LASP1: variants seen among roughly 807,000 people sequenced by gnomAD.
LASP1 encodes LIM and SH3 protein 1.
In LASP1, 10 loss-of-function variants were observed where a neutral mutation model predicts 38.6. The ratio of observed to expected loss-of-function variants is 0.26; its 90% CI spans 0.16 to 0.44. The LOEUF is 0.44. Ranked by LOEUF, LASP1 falls within the 20% of genes least tolerant of loss-of-function variation. LASP1 has a pLI of 1.00. For missense variants in LASP1, 243 were observed against 375.7 expected (o/e 0.65, Z 2.92); for synonymous variants, 132 against 140.8 (o/e 0.94, Z 0.44).
chr17:38,897,134 T>C lies in LASP1; in HGVS notation c.250-1278T>C, dbSNP rs773896960. On this transcript the variant is annotated intron_variant, in intron 3 of 6. Coordinates refer to ENST00000318008, the MANE Select transcript of LASP1 (RefSeq NM_006148.4). ...TCCACTGCATTCACTTCTGAACTAA[T>C]GGGGAACAGCACATCCAAGCCCTTC... The C allele has an allele frequency of 1.9e-5, 18 of 940,360 alleles. No homozygotes were observed. In the African/African-American group the frequency reaches 2.3e-4, roughly 12 times the overall value. 58.3% of individuals were successfully genotyped at this position (940,360 alleles called of 1,614,324 possible).
intron 3 of LASP1, 112 bp downstream of exon 3, chr17:38,890,616 G>A: frequency 1.1e-6 from 1 of 934,268 alleles, no homozygotes; most frequent in Non-Finnish European, 1.7e-6. Flanking sequence ...GCAAGGCCAA[G>A]GTGCTGAAAT....
chr17:38,890,380 C>T, intron 2 of LASP1, 40 bp from the exon 3 acceptor site: 1 of 1,556,278 alleles, frequency 6.4e-7, no homozygotes, highest in Non-Finnish European at 8.9e-7. Flanking sequence ...TCCTGCCCCT[C>T]CCCCAGAGTC....
intron 4 of LASP1, 91 bp downstream of exon 4, chr17:38,898,610 A>T: frequency 1.0e-6 from 1 of 982,080 alleles, no homozygotes; most frequent in Non-Finnish European, 1.6e-6. Context: ...GGCAGATGTG[A>T]ATGAGGCCAG....
chr17:38,898,311 C>T (rs1914544655), intron 3 of LASP1, 101 bp from the exon 4 acceptor site: 5 of 670,736 alleles, frequency 7.5e-6, no homozygotes, highest in Middle Eastern at 3.7e-4. Context: ...TGCTGACTCC[C>T]TGTCCCTGTC....
intron 6 of LASP1, 122 bp downstream of exon 6, chr17:38,915,268 T>A: frequency 1.3e-6 from 1 of 794,396 alleles, no homozygotes; most frequent in South Asian, 1.7e-5. Flanking sequence ...ATGATAAGGA[T>A]CTCAGCCTTG....
intron 2 of LASP1, among the ~76,000 whole-genome samples, chr17:38,884,508 C>T (rs1914053931): frequency 6.6e-6 from 1 of 151,834 alleles, no homozygotes; most frequent in Admixed American, 6.6e-5. Flanking sequence ...CCGCCTCAGC[C>T]TCCCAAGTAG....
rs141801639 is a variant in LASP1, at chr17:38,921,384, T to G, written c.*2606T>G. On this transcript the variant is annotated 3_prime_UTR_variant, in exon 7 of 7. Coordinates refer to ENST00000318008, the MANE Select transcript of LASP1 (RefSeq NM_006148.4). ...TGCCTCCTGTTTTCTCCCTCTCATG[T>G]CCCTCCAGGGAAAATGACTTTATTG... The G allele has an allele frequency of 4.3e-6, 1 of 232,622 alleles. No individual in the cohort carries two copies. The highest frequency in any genetic ancestry group is 2.2e-5 in the African/African-American group (1 of 45,288). 14.4% of individuals were successfully genotyped at this position (232,622 alleles called of 1,614,324 possible).
intron 2 of LASP1, among the ~76,000 whole-genome samples, chr17:38,886,729 C>T (rs1374497718): frequency 6.6e-6 from 1 of 151,790 alleles, no homozygotes; most frequent in African/African-American, 2.4e-5. Context: ...GGCCTCAATG[C>T]AGCTGCTGCC....
At chr17:38,890,344 G>A in intron 2 of LASP1, 76 bp from the exon 3 acceptor site, 2 of 1,376,950 alleles carry the variant, frequency 1.5e-6, no homozygotes, top group Non-Finnish European at 2.1e-6. Context: ...TCCCAGGAGG[G>A]CATGCTCTGT....
rs1309322181 is a variant in LASP1 at position 38,918,139 on chromosome 17, C to CCA, written c.613-466_613-465insCA. On this transcript the variant is annotated intron_variant, in intron 6 of 6. Transcript: ENST00000318008. This position sits in a 1 kb window ranked among gnomAD's most constrained non-coding sequence, Gnocchi z 4.4. ...TGGGTGACAAAGCAAGACTCCATCT[C>CCA]AAAAAAAAAAAAAAAAAGAGGGAGT... Among the ~76,000 whole-genome samples the CCA allele has an allele frequency of 3.6e-4, 34 of 95,050 alleles. No individual in the cohort carries two copies. The highest frequency in any genetic ancestry group is 1.3e-3 in the African/African-American group (33 of 25,122). The allele number at this position is 95,050 out of a possible 152,430, so 62.4% of individuals were successfully genotyped here.
At chr17:38,899,747 CTT>C (rs34397105) in intron 4 of LASP1, among the ~76,000 whole-genome samples, 5 of 136,086 alleles carry the variant, frequency 3.7e-5, no homozygotes, top group Admixed American at 7.3e-5. Flanking sequence ...GCGTTCAGAT[CTT>C]TTTTTTTTTT....
At chr17:38,900,815 C>T (rs1161050697) in intron 4 of LASP1, among the ~76,000 whole-genome samples, 2 of 152,190 alleles carry the variant, frequency 1.3e-5, no homozygotes, top group African/African-American at 2.4e-5. Context: ...GGCGGGCACT[C>T]TAATCCTCCT....
chr17:38,902,535 G>C (rs984821320), intron 4 of LASP1, among the ~76,000 whole-genome samples: 4 of 151,916 alleles, frequency 2.6e-5, no homozygotes, highest in Non-Finnish European at 5.9e-5. Context: ...TAAAACCATT[G>C]CTAAGTTGTC....
rs542179282 is a variant in LASP1 at position 38,914,833 on chromosome 17, G to A, written c.509-210G>A. The A allele has an allele frequency of 1.7e-5, 10 of 602,770 alleles. No homozygotes were observed. The East Asian group carries it at 2.8e-4, about 17-fold the overall frequency. 37.3% of individuals were successfully genotyped at this position (602,770 alleles called of 1,614,324 possible). On this transcript the variant is annotated intron_variant, in intron 5 of 6. Transcript: ENST00000318008. Reference sequence around the variant, plus strand: ...CTGTACTGGGCCAAGAGGATTGAAAGGAGAGGCCCCCAGGTCATGGGGCTC... The same window carrying A: ...CTGTACTGGGCCAAGAGGATTGAAAAGAGAGGCCCCCAGGTCATGGGGCTC...
chr17:38,870,179 T>C lies in LASP1; in HGVS notation c.-11T>C, dbSNP rs540694021. 4 of 1,613,456 alleles carry C rather than the reference T, an allele frequency of 2.5e-6. No individual in the cohort carries two copies. Among genetic ancestry groups the C allele is most frequent in the South Asian group, 1.1e-5 (1 of 91,044 alleles). The stretch of plus-strand genomic sequence containing the variant: ...AGCTCAGGCGTCCCCGCCCCAGCTT[T>C]TCTCGGAACCATGAACCCCAACTGC... On this transcript the variant is annotated 5_prime_UTR_variant, in exon 1 of 7. Transcript: ENST00000318008.
intron 3 of LASP1, chr17:38,896,896 T>G: frequency 2.0e-6 from 2 of 985,092 alleles, no homozygotes; most frequent in South Asian, 9.4e-5. Flanking sequence ...CACAACTCTT[T>G]TACAGATGAA....
chr17:38,905,983 C>T (rs1253647205), intron 4 of LASP1, among the ~76,000 whole-genome samples: 2 of 152,094 alleles, frequency 1.3e-5, no homozygotes, highest in Non-Finnish European at 2.9e-5. Context: ...TTGCTTGAGC[C>T]CAGGAGTTTG....
In LASP1 at chr17:38,909,412, G is replaced by T. The variant is rs570865579; in HGVS notation, c.358-4913G>T. Among the ~76,000 whole-genome samples the T allele has an allele frequency of 7.9e-5, 12 of 152,216 alleles. No homozygotes were observed. The East Asian group carries it at 2.1e-3, about 27-fold the overall frequency. On this transcript the variant is annotated intron_variant, in intron 4 of 6. Coordinates refer to ENST00000318008, the MANE Select transcript of LASP1 (RefSeq NM_006148.4). ...CACAAGGTCAAGAAGTTCAAGACCA[G>T]CCTGGCCAACATGGTAAAAGCCTGT...
intron 1 of LASP1, among the ~76,000 whole-genome samples, chr17:38,870,996 G>C (rs926213419): frequency 2.0e-5 from 3 of 152,198 alleles, no homozygotes; most frequent in Admixed American, 6.5e-5. Flanking sequence ...AGTAGGGTGG[G>C]TGGAGGGTGC....
Sources: gnomAD v4.1 joint callset for allele counts (sites outside exome capture counted in the v4.1 genomes callset) on GRCh38, gnomAD v4.1.1 for gene constraint, Gnocchi (gnomAD v3.1) non-coding constraint, MANE v1.5 for transcripts, NCBI Gene and HGNC (gene_info 2026-07-23, HGNC 2026-07-21) for gene names.